Variants in MAX observed in about 807,000 individuals in gnomAD.
The protein encoded by MAX is protein max.
In MAX, 3 loss-of-function variants were observed where a neutral mutation model predicts 22.3. That is an observed-to-expected ratio of 0.13 (90% CI 0.06 to 0.35). The LOEUF (loss-of-function observed/expected upper bound fraction) is 0.35. Among genes scored for constraint, MAX ranks in the 10% least tolerant of loss-of-function variants. The pLI is 1.00. For missense variants in MAX, 119 were observed against 209.4 expected, an observed-to-expected ratio of 0.57 and a Z score of 2.66; for synonymous variants, 72 against 77.7, an observed-to-expected ratio of 0.93 and a Z score of 0.39.
At position 65,007,660 on chromosome 14, in the gene MAX, A is replaced by G. The variant is rs1219903285; in HGVS notation, c.172-1376T>C. Among the ~76,000 whole-genome samples, 14 of 152,214 alleles carry G rather than the reference A, an allele frequency of 9.2e-5. No homozygotes were observed. Among genetic ancestry groups the G allele is most frequent in the East Asian group, 1.9e-4 (1 of 5,178 alleles). On this transcript the variant is annotated intron_variant, in intron 3 of 3. Transcript: ENST00000341653. This position sits in a 1 kb window ranked among gnomAD's most constrained non-coding sequence, Gnocchi z 4.9. The stretch of plus-strand genomic sequence containing the variant: ...AAGGAGCTTTTTGACCATGCTTTTC[A>G]TGGTTTTGTTTATTCATGTCTGCTT...
In MAX at chr14:65,010,581, C is replaced by T. The variant is rs575357223; in HGVS notation, c.172-4297G>A. Among the ~76,000 whole-genome samples, 327 of 152,266 alleles carry T rather than the reference C, an allele frequency of 2.1e-3. 1 individual carries two copies. Among genetic ancestry groups the T allele is most frequent in the Non-Finnish European group, 3.5e-3 (240 of 68,018 alleles). On this transcript the variant is annotated intron_variant, in intron 3 of 3. Transcript: ENST00000341653. Reference sequence around the variant, plus strand: ...CCCCACCCCATCTGTCTGCCCACTGCGATATTTTCAGATACTTCAGTTTGT... The same window carrying T: ...CCCCACCCCATCTGTCTGCCCACTGTGATATTTTCAGATACTTCAGTTTGT...
rs371900351 is a variant in MAX, at chr14:65,077,756, G to A, written c.295+157C>T. ...GCGCCTCAGGTCCTTCCTCAGGACGGCTCTAACACTCAGTTACTCAGGCCC... is the reference window on the plus strand; with the variant it reads ...GCGCCTCAGGTCCTTCCTCAGGACGACTCTAACACTCAGTTACTCAGGCCC... On this transcript the variant is annotated intron_variant, in intron 4 of 4. Coordinates refer to ENST00000358664, the MANE Select transcript of MAX (RefSeq NM_002382.5). This position sits in a 1 kb window ranked among gnomAD's most constrained non-coding sequence, Gnocchi z 6.3. 6.2e-7 allele frequency: 1 copy of A among 1,611,540 alleles called. No homozygotes were observed. The highest frequency in any genetic ancestry group is 8.5e-7 in the Non-Finnish European group (1 of 1,179,260).
chr14:65,060,931 CATA>C (rs937799148), intron 3 of MAX, among the ~76,000 whole-genome samples: 26 of 147,088 alleles, frequency 1.8e-4, no homozygotes, highest in Admixed American at 7.5e-4. Context: ...TGTTTTCTCA[CATA>C]ATATGTTGTA....
rs1288930703 is a variant in MAX, at chr14:65,044,628, G to A, written c.172-38344C>T. ...TGCAGAGTAAGATTTAGTTTCATTGGTTTAGTGTCATTCTTTGCTTCTTCA... is the reference window on the plus strand; with the variant it reads ...TGCAGAGTAAGATTTAGTTTCATTGATTTAGTGTCATTCTTTGCTTCTTCA... On this transcript the variant is annotated intron_variant, in intron 3 of 3. Coordinates refer to the MAX transcript ENST00000341653. This position sits in a 1 kb window ranked among gnomAD's most constrained non-coding sequence, Gnocchi z 5.5. 1.5e-5 allele frequency: 13 copies of A among 873,974 alleles called. No homozygotes were observed. The highest frequency in any genetic ancestry group is 2.1e-5 in the Non-Finnish European group (13 of 616,428). 54.1% of individuals were successfully genotyped at this position (873,974 alleles called of 1,614,324 possible).
rs2139743225 is a variant in MAX, at chr14:65,076,846, T to A, written c.296-183A>T. The A allele has an allele frequency of 2.9e-6, 2 of 689,710 alleles. No individual in the cohort carries two copies. Among genetic ancestry groups the A allele is most frequent in the Admixed American group, 2.1e-5 (1 of 47,864 alleles). 42.7% of individuals were successfully genotyped at this position (689,710 alleles called of 1,614,324 possible). On this transcript the variant is annotated intron_variant, in intron 4 of 4. Transcript: ENST00000358664. The surrounding 1 kb of genome is among the most constrained non-coding windows in gnomAD (Gnocchi z 6.6). ...TCACACACTTCATTTCCCTCCCGCCTTTCCCAGCTGGACCTGGGAGCCAGC... is the reference window on the plus strand; with the variant it reads ...TCACACACTTCATTTCCCTCCCGCCATTCCCAGCTGGACCTGGGAGCCAGC...
In MAX at chr14:65,065,798, A is replaced by G. The variant is rs570688449; in HGVS notation, c.171+27910T>C. On this transcript the variant is annotated intron_variant, in intron 3 of 3. Transcript: ENST00000341653. ...CACTCTTGCCTCATCTGCCCAAACA[A>G]TAACCCCTAAGACAGTCCCTCCTGT... is the stretch of plus-strand genomic sequence containing the variant. 2.6e-3 allele frequency among the ~76,000 whole-genome samples: 389 copies of G among 152,316 alleles called. 2 individuals carry two copies. Among genetic ancestry groups the G allele is most frequent in the Admixed American group, 4.2e-3 (64 of 15,304 alleles).
At chr14:65,013,558 C>T (rs1365804782) in intron 3 of MAX, among the ~76,000 whole-genome samples, 1 of 152,128 alleles carries the variant, frequency 6.6e-6, no homozygotes, top group Non-Finnish European at 1.5e-5. Context: ...TGCATTCTCT[C>T]ATAATTTATG....
In MAX at chr14:65,044,224, T is replaced by C; in HGVS notation, c.172-37940A>G. 6.3e-7 allele frequency: 1 copy of C among 1,596,330 alleles called. No individual in the cohort carries two copies. Among genetic ancestry groups the C allele is most frequent in the Non-Finnish European group, 8.5e-7 (1 of 1,173,268 alleles). ...AAGCCACAAGATGGGAAACCCTCCA[T>C]CCCACAGATTGACTCCTGGAGATTC... On this transcript the variant is annotated intron_variant, in intron 3 of 3. Transcript: ENST00000341653. This position sits in a 1 kb window ranked among gnomAD's most constrained non-coding sequence, Gnocchi z 5.5.
Position 65,031,819 on chromosome 14 carries a change from G to A in MAX, c.172-25535C>T, listed in dbSNP as rs2139588881. On this transcript the variant is annotated intron_variant, in intron 3 of 3. Coordinates refer to the MAX transcript ENST00000341653. This position sits in a 1 kb window ranked among gnomAD's most constrained non-coding sequence, Gnocchi z 4.6. The stretch of plus-strand genomic sequence containing the variant: ...GCCTGTAATCCCAGCTACTTGGGAG[G>A]CTGATACAGGAGAATTGCTTGAACC... Among the ~76,000 whole-genome samples the A allele has an allele frequency of 6.6e-6, 1 of 152,238 alleles. No individual in the cohort carries two copies. The highest frequency in any genetic ancestry group is 2.0e-4 in the East Asian group (1 of 5,122).
intron 2 of MAX, among the ~76,000 whole-genome samples, chr14:65,097,092 A>C (rs536260733): frequency 2.0e-5 from 3 of 152,234 alleles, no homozygotes; most frequent in African/African-American, 7.2e-5. Flanking sequence ...CATCTCTGCC[A>C]AAGTTTTTAT....
chr14:65,050,322 G>A (rs774431497), intron 3 of MAX, among the ~76,000 whole-genome samples: 4 of 152,324 alleles, frequency 2.6e-5, no homozygotes, highest in African/African-American at 9.6e-5. Context: ...CTGGCCGGGC[G>A]TGGTGGCTCA....
chr14:65,097,026 C>G (rs1316762885), intron 2 of MAX, among the ~76,000 whole-genome samples: 1 of 152,200 alleles, frequency 6.6e-6, no homozygotes, highest in African/African-American at 2.4e-5. Flanking sequence ...AGGGGCTATG[C>G]AGTGGTCCAC....
intron 3 of MAX, among the ~76,000 whole-genome samples, chr14:65,092,629 T>C (rs925970966): frequency 5.3e-5 from 8 of 152,226 alleles, no homozygotes; most frequent in Non-Finnish European, 1.0e-4. Context: ...ATACCAGGTA[T>C]GTACATGGCC....
chr14:65,026,900 G>C (rs1030289033), intron 3 of MAX, among the ~76,000 whole-genome samples: 3 of 152,092 alleles, frequency 2.0e-5, no homozygotes, highest in Admixed American at 6.6e-5. Context: ...CTTCTTACTG[G>C]TGGAGTAGAA....
chr14:65,037,319 G>T (rs748860604), intron 3 of MAX, among the ~76,000 whole-genome samples: 19 of 146,118 alleles, frequency 1.3e-4, no homozygotes, highest in Non-Finnish European at 2.2e-4. Flanking sequence ...GGCCAGGCTG[G>T]TCTCGAACTC....
intron 3 of MAX, among the ~76,000 whole-genome samples, chr14:65,017,904 G>A (rs1369999061): frequency 6.6e-6 from 1 of 152,054 alleles, no homozygotes; most frequent in African/African-American, 2.4e-5. Context: ...GCAGTGAGTC[G>A]AGATTGCGCC....
chr14:65,027,394 T>A lies in MAX; in HGVS notation c.172-21110A>T. The A allele has an allele frequency of 6.3e-7, 1 of 1,597,366 alleles. No homozygotes were observed. Among genetic ancestry groups the A allele is most frequent in the South Asian group, 1.1e-5 (1 of 88,484 alleles). ...GAAAGGCCTGGAATCTAGTGGGAAT[T>A]TGGTGTTTTGACATGAATGCTCTCT... On this transcript the variant is annotated intron_variant, in intron 3 of 3. Coordinates refer to the MAX transcript ENST00000341653. This position sits in a 1 kb window ranked among gnomAD's most constrained non-coding sequence, Gnocchi z 5.7.
rs563468928 is a variant in MAX, at chr14:65,031,979, CGTGT to C, written c.172-25699_172-25696del. On this transcript the variant is annotated intron_variant, in intron 3 of 3. Transcript: ENST00000341653. The surrounding 1 kb of genome is among the most constrained non-coding windows in gnomAD (Gnocchi z 4.6). ...ATAGACGTGCGCCTTTTTCATTTAA[CGTGT>C]GTGTGTGTGTGTGTGTGTGTGTGTG... 0.016 allele frequency among the ~76,000 whole-genome samples: 2,283 copies of C among 141,216 alleles called. 21 individuals carry two copies. The highest frequency in any genetic ancestry group is 0.019 in the Admixed American group (268 of 14,176). 92.6% of individuals were successfully genotyped at this position (141,216 alleles called of 152,430 possible).
intron 3 of MAX, among the ~76,000 whole-genome samples, chr14:65,057,871 G>A (rs1307176558): frequency 6.6e-6 from 1 of 152,148 alleles, no homozygotes; most frequent in African/African-American, 2.4e-5. Flanking sequence ...ATACATGAAG[G>A]GGCCCTGTTT....
Sources: allele counts gnomAD v4.1 joint callset (sites outside exome capture counted in the v4.1 genomes callset), GRCh38; gene constraint gnomAD v4.1.1; non-coding constraint Gnocchi (gnomAD v3.1); transcripts MANE v1.5; gene names NCBI Gene and HGNC (gene_info 2026-07-23, HGNC 2026-07-21).